The following MYPN variants were observed in gnomAD, a reference collection of about 807,000 sequenced individuals.
MYPN encodes myopalladin.
Under a neutral mutation model 129.4 loss-of-function variants are expected in MYPN, and 63 were observed. The ratio of observed to expected loss-of-function variants is 0.49; its 90% CI spans 0.40 to 0.60. The LOEUF is 0.60. MYPN is among the 20% of genes least tolerant of loss of function. The pLI, the probability that MYPN is intolerant of heterozygous loss-of-function variation, is 0.00. For synonymous variants in MYPN, 629 were observed against 600.9 expected (o/e 1.05, Z -0.68); for missense variants, 1,596 against 1,635.4 (o/e 0.98, Z 0.42).
chr10:68,191,017 G>C (rs1438084089), intron 13 of MYPN, among the ~76,000 whole-genome samples: 1 of 151,846 alleles, frequency 6.6e-6, no homozygotes, highest in Non-Finnish European at 1.5e-5. Context: ...ATTTATTTCT[G>C]GGTTCTCTAT....
At chr10:68,121,150 T>A (rs2042234844) in intron 1 of MYPN, among the ~76,000 whole-genome samples, 1 of 152,134 alleles carries the variant, frequency 6.6e-6, no homozygotes, top group Non-Finnish European at 1.5e-5. Flanking sequence ...TGGTGGCACA[T>A]GCCTGTAGTC....
At chr10:68,157,703 G>C (rs1389927386) in intron 6 of MYPN, among the ~76,000 whole-genome samples, 1 of 150,498 alleles carries the variant, frequency 6.6e-6, no homozygotes, top group African/African-American at 2.4e-5. Flanking sequence ...TTAGCCGGGC[G>C]TGGTGACCTG....
intron 12 of MYPN, among the ~76,000 whole-genome samples, chr10:68,183,813 C>G (rs1210761359): frequency 1.3e-5 from 2 of 152,086 alleles, no homozygotes; most frequent in Non-Finnish European, 2.9e-5. Context: ...TGCTTGAGCC[C>G]AGTTCAAGAC....
rs568925933 is a variant in MYPN at position 68,133,140 on chromosome 10, C to T, written c.903-9800C>T. ...TTCTTGGTTCAAGCAATTCTCCTGCCTCAGCCTCCGTAGTAGCTGGGATTA... is the reference window on the plus strand; with the variant it reads ...TTCTTGGTTCAAGCAATTCTCCTGCTTCAGCCTCCGTAGTAGCTGGGATTA... On this transcript the variant is annotated intron_variant, in intron 2 of 19. Transcript: ENST00000358913. Among the ~76,000 whole-genome samples the T allele has an allele frequency of 2.6e-5, 4 of 151,550 alleles. No homozygotes were observed. The South Asian group carries it at 8.4e-4, about 32-fold the overall frequency.
intron 1 of MYPN, among the ~76,000 whole-genome samples, chr10:68,115,711 C>G (rs1263020267): frequency 6.6e-6 from 1 of 152,206 alleles, no homozygotes; most frequent in African/African-American, 2.4e-5. Flanking sequence ...TCCCTTCACA[C>G]GTTTAATAAA....
chr10:68,161,199 T>C (rs1234707063), intron 7 of MYPN, among the ~76,000 whole-genome samples: 1 of 152,124 alleles, frequency 6.6e-6, no homozygotes, highest in Admixed American at 6.5e-5. Context: ...CAGTATCATT[T>C]AATTGTTGCT....
chr10:68,194,277 T>C, intron 13 of MYPN, 86 bp from the exon 14 acceptor site: 1 of 1,414,578 alleles, frequency 7.1e-7, no homozygotes, highest in Non-Finnish European at 9.9e-7. Context: ...AAGATGGCAG[T>C]TGGCCCTTTC....
chr10:68,163,605 G>A (rs1190165078), intron 8 of MYPN, among the ~76,000 whole-genome samples: 1 of 151,916 alleles, frequency 6.6e-6, no homozygotes, highest in Non-Finnish European at 1.5e-5. Flanking sequence ...CTCCAGCCCG[G>A]GTGACAGAGC....
rs1491043119 is a variant in MYPN, at chr10:68,110,273, C to CT, written c.-2+550_-2+551insT. Among the ~76,000 whole-genome samples, 1,133 of 151,604 alleles carry CT rather than the reference C, an allele frequency of 7.5e-3. 15 individuals carry two copies. Among genetic ancestry groups the CT allele is most frequent in the African/African-American group, 0.025 (1,045 of 41,004 alleles). On this transcript the variant is annotated intron_variant, in intron 1 of 19. Coordinates refer to ENST00000358913, the MANE Select transcript of MYPN (RefSeq NM_032578.4). ...CTCCTTTCTCTCTCTCTCTCTCTCTCCGTCTCTTTCTCTCTCTCCCTTTTC... is the reference window on the plus strand; with the variant it reads ...CTCCTTTCTCTCTCTCTCTCTCTCTCTCGTCTCTTTCTCTCTCTCCCTTTTC...
chr10:68,206,578 G>A (rs1456802751), intron 18 of MYPN, among the ~76,000 whole-genome samples, 192 bp from the exon 19 acceptor site: 1 of 152,130 alleles, frequency 6.6e-6, no homozygotes, highest in Non-Finnish European at 1.5e-5. Flanking sequence ...GCAACAGCAG[G>A]TCTCAGCCCC....
intron 19 of MYPN, among the ~76,000 whole-genome samples, chr10:68,208,901 G>A (rs1007841282): frequency 6.6e-6 from 1 of 152,106 alleles, no homozygotes; most frequent in Non-Finnish European, 1.5e-5. Context: ...AGAGAGAGCC[G>A]GGAAGGGCTA....
upstream of MYPN, chr10:68,109,356 G>T (rs1415213178): frequency 3.0e-6 from 1 of 338,602 alleles, no homozygotes; most frequent in Admixed American, 3.7e-5. Flanking sequence ...ATAGGTAAAA[G>T]AACTGATTGA....
chr10:68,207,940 T>C (rs1271320119), intron 19 of MYPN, among the ~76,000 whole-genome samples: 1 of 147,846 alleles, frequency 6.8e-6, no homozygotes, highest in East Asian at 2.2e-4. Flanking sequence ...ACACTTAAAT[T>C]GACTGTGCTA....
At position 68,158,585 on chromosome 10, in the gene MYPN, A is replaced by T; in HGVS notation, c.1417A>T (p.Thr473Ser). The change falls in exon 7 of 20, where the codon ACT becomes TCT. Residue 473 changes from threonine to serine, a missense_variant. Coordinates refer to ENST00000358913, the MANE Select transcript of MYPN (RefSeq NM_032578.4). ...TAAGGTTGAGTGGTATAGAGAAGGG[A>T]CTTTAATAGAAGATTCTCCAGATTT... ...SPKVEWYREGTLIEDSPDFRI... is the reference protein window; with the variant it reads ...SPKVEWYREGSLIEDSPDFRI... 1 of 1,603,098 alleles carries T rather than the reference A, an allele frequency of 6.2e-7. No individual in the cohort carries two copies. Among genetic ancestry groups the T allele is most frequent in the Non-Finnish European group, 8.5e-7 (1 of 1,170,214 alleles).
chr10:68,114,011 A>T (rs1276692735), intron 1 of MYPN, among the ~76,000 whole-genome samples: 1 of 152,182 alleles, frequency 6.6e-6, no homozygotes, highest in East Asian at 1.9e-4. Flanking sequence ...CTCCTGTGTA[A>T]CTGGAACTTT....
In MYPN at chr10:68,174,409, A is replaced by G. The variant is rs760331604; in HGVS notation, c.2317A>G (p.Lys773Glu). 6.8e-6 allele frequency: 11 copies of G among 1,614,066 alleles called. No homozygotes were observed. The highest frequency in any genetic ancestry group is 1.6e-4 in the Middle Eastern group (1 of 6,062). Residue 773 changes from lysine (K) to glutamate (E), a missense_variant, in exon 11 of 20, where the codon AAA (lysine) becomes GAA (glutamate). Physicochemically the swap from Lys to Glu is moderately conservative, Grantham distance 56. Transcript: ENST00000358913. ...AGTGTCTCACCCCTCTGTGCAAACC[A>G]AATCTCCAGGAGGGCTTTCCATCCA... ...LLVSHPSVQTKSPGGLSIQNE... is the reference protein window; with the variant it reads ...LLVSHPSVQTESPGGLSIQNE...
chr10:68,152,781 C>T (rs1160480193), intron 6 of MYPN, among the ~76,000 whole-genome samples: 2 of 151,866 alleles, frequency 1.3e-5, no homozygotes, highest in Non-Finnish European at 2.9e-5. Flanking sequence ...GAATAGCAGG[C>T]GTCCACCACC....
chr10:68,189,037 A>C lies in MYPN; in HGVS notation c.2836A>C (p.Ile946Leu). Residue 946 changes from isoleucine (I) to leucine (L), a missense_variant, in exon 13 of 20, where the codon ATC (isoleucine) becomes CTC (leucine). Ile to Leu is a conservative substitution (Grantham distance 5, BLOSUM62 2). Coordinates refer to ENST00000358913, the MANE Select transcript of MYPN (RefSeq NM_032578.4). ...CCCCACGGGCAAGTGTATTGCTCCC[A>C]TCTTTGACAAGAGACTCAAGCACTT... ...EIPTGKCIAPIFDKRLKHFRV... is the reference protein window; with the variant it reads ...EIPTGKCIAPLFDKRLKHFRV... 6.2e-7 allele frequency: 1 copy of C among 1,614,184 alleles called. No individual in the cohort carries two copies. Among genetic ancestry groups the C allele is most frequent in the Non-Finnish European group, 8.5e-7 (1 of 1,180,018 alleles).
intron 6 of MYPN, 124 bp from the exon 7 acceptor site, chr10:68,158,362 A>T: frequency 1.1e-6 from 1 of 880,060 alleles, no homozygotes; most frequent in East Asian, 2.6e-5. Context: ...GCTGCTAGAG[A>T]TGTAGATGCT....
Sources: gnomAD v4.1 joint callset for allele counts (sites outside exome capture counted in the v4.1 genomes callset) on GRCh38, gnomAD v4.1.1 for gene constraint, MANE v1.5 for transcripts, NCBI Gene and HGNC (gene_info 2026-07-23, HGNC 2026-07-21) for gene names.